The following LINGO2 variants were observed in gnomAD, a reference collection of about 807,000 sequenced individuals.
LINGO2 encodes leucine rich repeat and Ig domain containing 2.
LINGO2 carries 14 observed loss-of-function variants against 30.6 expected under a neutral mutation model. The ratio of observed to expected loss-of-function variants is 0.46; its 90% CI spans 0.30 to 0.72. The LOEUF is 0.72. LINGO2 is among the 30% of genes least tolerant of loss of function. The probability of loss-of-function intolerance (pLI) is 0.07; values close to 1 mark genes in which losing one functional copy is unlikely to be tolerated. For missense variants in LINGO2, 729 were observed against 751.7 expected (o/e 0.97, Z 0.35); for synonymous variants, 317 against 288.5 (o/e 1.10, Z -1.00).
chr9:28,949,926 A>C, the LINGO2 span, among the ~76,000 whole-genome samples: 1 of 152,130 alleles, frequency 6.6e-6, no homozygotes, highest in Non-Finnish European at 1.5e-5. Context: ...TATCCACCAC[A>C]AACAAGTTGG....
intron 4 of LINGO2, among the ~76,000 whole-genome samples, chr9:28,042,774 CCA>C (rs1491312957): frequency 6.6e-6 from 1 of 152,020 alleles, no homozygotes; most frequent in Non-Finnish European, 1.5e-5. Context: ...CCCCTCTCCC[CCA>C]TATATGTTAT....
chr9:28,355,864 G>A (rs770046298), intron 3 of LINGO2, among the ~76,000 whole-genome samples: 13 of 152,134 alleles, frequency 8.5e-5, no homozygotes, highest in Non-Finnish European at 1.8e-4. Flanking sequence ...TGTTGCCAGC[G>A]TGAGTATCAT....
At chr9:28,900,174 G>A in the LINGO2 span, among the ~76,000 whole-genome samples, 1 of 151,966 alleles carries the variant, frequency 6.6e-6, no homozygotes, top group African/African-American at 2.4e-5. Flanking sequence ...ATGGACCCAG[G>A]TTCCATGCCA....
chr9:29,036,405 G>GA, the LINGO2 span, among the ~76,000 whole-genome samples: 1 of 151,452 alleles, frequency 6.6e-6, no homozygotes, highest in South Asian at 2.1e-4. Flanking sequence ...AAAGAAACCA[G>GA]AAGAAAAAAA....
the LINGO2 span, among the ~76,000 whole-genome samples, chr9:29,211,130 A>G: frequency 6.6e-6 from 1 of 152,160 alleles, no homozygotes; most frequent in Non-Finnish European, 1.5e-5. Flanking sequence ...CGTCTTTGTT[A>G]AGAGCCACCT....
chr9:28,360,548 A>G (rs1820400591), intron 3 of LINGO2, among the ~76,000 whole-genome samples: 1 of 152,168 alleles, frequency 6.6e-6, no homozygotes, highest in African/African-American at 2.4e-5. Context: ...TGATCTTAAA[A>G]GCCCAGTGCC....
At chr9:29,080,505 T>A in the LINGO2 span, among the ~76,000 whole-genome samples, 1 of 152,118 alleles carries the variant, frequency 6.6e-6, no homozygotes, top group African/African-American at 2.4e-5. Flanking sequence ...GTGTTTGCTC[T>A]TGCTTCTCTA....
At chr9:29,090,422 C>T in the LINGO2 span, among the ~76,000 whole-genome samples, 3 of 152,000 alleles carry the variant, frequency 2.0e-5, no homozygotes, top group Admixed American at 6.6e-5. Flanking sequence ...TCATTTAGTA[C>T]TTGTCTATAT....
chr9:28,066,414 G>A (rs1319427396), intron 4 of LINGO2, among the ~76,000 whole-genome samples: 1 of 152,084 alleles, frequency 6.6e-6, no homozygotes, highest in African/African-American at 2.4e-5. Context: ...ATCACAGAAT[G>A]AGACCATGAT....
At chr9:28,362,255 T>TGTGTGTGC (rs1379444284) in intron 3 of LINGO2, among the ~76,000 whole-genome samples, 2 of 152,154 alleles carry the variant, frequency 1.3e-5, no homozygotes, top group African/African-American at 2.4e-5. Context: ...TGTGCACGTG[T>TGTGTGTGC]GTGTGTGCAT....
intron 4 of LINGO2, among the ~76,000 whole-genome samples, chr9:28,250,668 C>T (rs1056926339): frequency 6.6e-6 from 1 of 152,158 alleles, no homozygotes; most frequent in African/African-American, 2.4e-5. Context: ...TAACAAAGCA[C>T]CCTAACCCCT....
At chr9:28,891,004 A>C in the LINGO2 span, among the ~76,000 whole-genome samples, 14 of 152,100 alleles carry the variant, frequency 9.2e-5, no homozygotes, top group Non-Finnish European at 1.9e-4. Context: ...AATGTGATAC[A>C]ATCATTTCCT....
chr9:28,238,380 A>G (rs1821656862), intron 4 of LINGO2, among the ~76,000 whole-genome samples: 1 of 152,222 alleles, frequency 6.6e-6, no homozygotes, highest in East Asian at 1.9e-4. Flanking sequence ...TCTCAAGAAT[A>G]GACCATATGT....
At chr9:27,974,463 C>T (rs933640273) in intron 5 of LINGO2, among the ~76,000 whole-genome samples, 2 of 152,092 alleles carry the variant, frequency 1.3e-5, no homozygotes, top group Non-Finnish European at 2.9e-5. Context: ...GCAGAGTCAC[C>T]TTCCTATTGA....
At chr9:28,259,593 G>A (rs1822496865) in intron 4 of LINGO2, among the ~76,000 whole-genome samples, 1 of 151,784 alleles carries the variant, frequency 6.6e-6, no homozygotes, top group Non-Finnish European at 1.5e-5. Context: ...GGGACCCAGG[G>A]AGGAGAGAGA....
intron 4 of LINGO2, among the ~76,000 whole-genome samples, chr9:28,274,002 C>T (rs1398352204): frequency 6.6e-6 from 1 of 152,076 alleles, no homozygotes; most frequent in Admixed American, 6.5e-5. Flanking sequence ...TGAGCAGGGA[C>T]AGACTTAAGA....
chr9:28,181,982 T>C (rs1819360725), intron 4 of LINGO2, among the ~76,000 whole-genome samples: 2 of 151,928 alleles, frequency 1.3e-5, no homozygotes, highest in Admixed American at 6.6e-5. Flanking sequence ...TCATATGGAA[T>C]CAAAGTAGAC....
intron 4 of LINGO2, among the ~76,000 whole-genome samples, chr9:28,225,713 C>CA (rs1821120888): frequency 6.6e-6 from 1 of 151,868 alleles, no homozygotes; most frequent in Admixed American, 6.6e-5. Context: ...AACACACAAG[C>CA]AAGCAATGTG....
At chr9:29,044,351 G>T in the LINGO2 span, among the ~76,000 whole-genome samples, 1 of 151,864 alleles carries the variant, frequency 6.6e-6, no homozygotes, top group Non-Finnish European at 1.5e-5. Flanking sequence ...TTATGATTTT[G>T]TATACTCTGA....
Sources: allele counts gnomAD v4.1 joint callset (sites outside exome capture counted in the v4.1 genomes callset), GRCh38; gene constraint gnomAD v4.1.1; transcripts MANE v1.5; gene names NCBI Gene and HGNC (gene_info 2026-07-23, HGNC 2026-07-21).